The following CAMKMT variants were observed in gnomAD, a reference collection of about 807,000 sequenced individuals.
CAMKMT encodes the protein CaM KMT.
Under a neutral mutation model 48.0 loss-of-function variants are expected in CAMKMT, and 53 were observed. The observed-to-expected ratio is 1.10, with a 90% CI of 0.89 to 1.39. The LOEUF is 1.39. Among genes scored for constraint, CAMKMT ranks in the 40% most tolerant of loss-of-function variants. CAMKMT has a pLI of 0.00. For missense variants in CAMKMT, 428 were observed against 402.7 expected, an observed-to-expected ratio of 1.06 and a Z score of -0.54; for synonymous variants, 165 against 152.3, an observed-to-expected ratio of 1.08 and a Z score of -0.61.
intron 3 of CAMKMT, among the ~76,000 whole-genome samples, chr2:44,674,585 A>C (rs1675562977): frequency 6.6e-6 from 1 of 152,216 alleles, no homozygotes; most frequent in Admixed American, 6.5e-5. Context: ...GAAGCCCCCA[A>C]CCTCAACCAA....
In CAMKMT at chr2:44,509,315, T is replaced by C. The variant is rs565043734; in HGVS notation, c.376+119010T>C. The stretch of plus-strand genomic sequence containing the variant: ...AAAAAAAAGTTTTTTGTTTTTGTTT[T>C]TTGTTTTGTTTTGTTTTGAGTCAGG... On this transcript the variant is annotated intron_variant, in intron 3 of 10. Coordinates refer to ENST00000378494, the MANE Select transcript of CAMKMT (RefSeq NM_024766.5). 3.3e-5 allele frequency among the ~76,000 whole-genome samples: 5 copies of C among 152,162 alleles called. No homozygotes were observed. The East Asian group carries it at 9.7e-4, about 29-fold the overall frequency.
intron 3 of CAMKMT, among the ~76,000 whole-genome samples, chr2:44,621,478 T>C (rs962608945): frequency 2.0e-5 from 3 of 152,080 alleles, no homozygotes; most frequent in Non-Finnish European, 4.4e-5. Flanking sequence ...GAAGCGACAT[T>C]TGAACTGAGA....
At chr2:44,663,434 T>C (rs1025008911) in intron 3 of CAMKMT, among the ~76,000 whole-genome samples, 9 of 152,246 alleles carry the variant, frequency 5.9e-5, no homozygotes, top group African/African-American at 2.2e-4. Flanking sequence ...TAAATCAGTC[T>C]GTTCATCTTT....
At chr2:44,472,451 C>T (rs1668470833) in intron 3 of CAMKMT, among the ~76,000 whole-genome samples, 1 of 152,192 alleles carries the variant, frequency 6.6e-6, no homozygotes, top group African/African-American at 2.4e-5. Flanking sequence ...TGCTGTGAGG[C>T]TCAATCTAAT....
In CAMKMT at chr2:44,520,175, C is replaced by T. The variant is rs1244536906; in HGVS notation, c.376+129870C>T. ...CGGAGCTTGCAGTGAGCCAAGATCACGCCACTGCACTCCAGCCTGGGCGAC... is the reference window on the plus strand; with the variant it reads ...CGGAGCTTGCAGTGAGCCAAGATCATGCCACTGCACTCCAGCCTGGGCGAC... On this transcript the variant is annotated intron_variant, in intron 3 of 10. Coordinates refer to ENST00000378494, the MANE Select transcript of CAMKMT (RefSeq NM_024766.5). 1.1e-4 allele frequency among the ~76,000 whole-genome samples: 16 copies of T among 152,014 alleles called. 1 individual carries two copies. In the East Asian group the frequency reaches 1.2e-3, roughly 11 times the overall value.
chr2:44,362,276 T>G (rs1370293993), intron 1 of CAMKMT, 131 bp downstream of exon 1: 2 of 758,238 alleles, frequency 2.6e-6, no homozygotes, highest in East Asian at 6.8e-5. Flanking sequence ...GGGAGCCACC[T>G]GCGAAGCTCC....
chr2:44,597,599 A>G (rs1670737544), intron 3 of CAMKMT, among the ~76,000 whole-genome samples: 9 of 152,182 alleles, frequency 5.9e-5, no homozygotes, highest in Admixed American at 5.9e-4. Flanking sequence ...CTGCTTATGG[A>G]TCCCTTCTCA....
chr2:44,696,123 A>G (rs558842407), intron 3 of CAMKMT, among the ~76,000 whole-genome samples: 36 of 152,062 alleles, frequency 2.4e-4, no homozygotes, highest in African/African-American at 8.2e-4. Context: ...TTGTATTTTT[A>G]GTAGAAACGG....
intron 3 of CAMKMT, among the ~76,000 whole-genome samples, chr2:44,430,871 A>T (rs1379759977): frequency 1.3e-5 from 2 of 152,220 alleles, no homozygotes; most frequent in African/African-American, 4.8e-5. Flanking sequence ...TTAGGAAAAG[A>T]TAGGAAGTTG....
At chr2:44,508,676 A>AT (rs1240836130) in intron 3 of CAMKMT, among the ~76,000 whole-genome samples, 9 of 152,130 alleles carry the variant, frequency 5.9e-5, no homozygotes, top group South Asian at 4.2e-4. Context: ...TTTCTATGGG[A>AT]TTTTTTTTCC....
intron 3 of CAMKMT, among the ~76,000 whole-genome samples, chr2:44,651,968 G>T (rs1572998171): frequency 6.6e-6 from 1 of 152,158 alleles, no homozygotes; most frequent in African/African-American, 2.4e-5. Flanking sequence ...ATTCTAATGT[G>T]AAAAAGTGAC....
chr2:44,496,940 G>C (rs1374121879), intron 3 of CAMKMT, among the ~76,000 whole-genome samples: 2 of 152,134 alleles, frequency 1.3e-5, no homozygotes, highest in African/African-American at 4.8e-5. Context: ...TGTAACAGTG[G>C]ACTTAGAAGT....
intron 3 of CAMKMT, among the ~76,000 whole-genome samples, chr2:44,413,075 C>CA (rs929207688): frequency 1.9e-4 from 28 of 150,048 alleles, no homozygotes; most frequent in African/African-American, 6.6e-4. Context: ...GACTCCATCT[C>CA]AAAAAAAATA....
intron 3 of CAMKMT, among the ~76,000 whole-genome samples, chr2:44,479,550 C>T (rs1200184679): frequency 1.3e-5 from 2 of 152,172 alleles, no homozygotes; most frequent in African/African-American, 4.8e-5. Flanking sequence ...AGAAAAGTGC[C>T]TACACATTCA....
intron 3 of CAMKMT, among the ~76,000 whole-genome samples, chr2:44,446,614 G>A (rs145227853): frequency 1.3e-5 from 2 of 152,164 alleles, no homozygotes; most frequent in South Asian, 2.1e-4. Context: ...CCAAAGTGCT[G>A]GGATTACAGG....
At chr2:44,621,810 C>CT (rs1672211375) in intron 3 of CAMKMT, among the ~76,000 whole-genome samples, 1 of 152,112 alleles carries the variant, frequency 6.6e-6, no homozygotes, top group South Asian at 2.1e-4. Flanking sequence ...GAAGATTATT[C>CT]TTTTTGCTCC....
chr2:44,503,468 A>T (rs1353354819), intron 3 of CAMKMT, among the ~76,000 whole-genome samples: 1 of 152,196 alleles, frequency 6.6e-6, no homozygotes, highest in East Asian at 1.9e-4. Context: ...AGTTAATAGT[A>T]TCAGTCTTCA....
At chr2:44,641,166 T>C (rs576225535) in intron 3 of CAMKMT, among the ~76,000 whole-genome samples, 4 of 152,342 alleles carry the variant, frequency 2.6e-5, no homozygotes, top group Non-Finnish European at 5.9e-5. Flanking sequence ...AAATATCTTC[T>C]TAAATGGCAG....
At chr2:44,466,250 G>A (rs190770300) in intron 3 of CAMKMT, among the ~76,000 whole-genome samples, 1 of 152,190 alleles carries the variant, frequency 6.6e-6, no homozygotes, top group Admixed American at 6.5e-5. Flanking sequence ...CATATAGAAC[G>A]TTTTCCAGTA....
Sources: gnomAD v4.1 joint callset for allele counts (sites outside exome capture counted in the v4.1 genomes callset) on GRCh38, gnomAD v4.1.1 for gene constraint, MANE v1.5 for transcripts, NCBI Gene and HGNC (gene_info 2026-07-23, HGNC 2026-07-21) for gene names.